KITLG: variants seen among roughly 807,000 people sequenced by gnomAD.
The protein encoded by KITLG is KIT ligand.
Under a neutral mutation model 34.1 loss-of-function variants are expected in KITLG, and 13 were observed. The ratio of observed to expected loss-of-function variants is 0.38; its 90% CI spans 0.25 to 0.61. The LOEUF (loss-of-function observed/expected upper bound fraction) is 0.61, where lower values mean the gene tolerates loss of function less well. Ranked by LOEUF, KITLG falls within the 20% of genes least tolerant of loss-of-function variation. KITLG has a pLI of 0.60. For missense variants in KITLG, 292 were observed against 318.9 expected (o/e 0.92, Z 0.64); for synonymous variants, 110 against 104.0 (o/e 1.06, Z -0.35).
rs1868614623 is a variant in KITLG at position 88,495,698 on chromosome 12, C to T, written c.*1521G>A. The T allele has an allele frequency of 6.6e-6, 1 of 152,396 alleles. No individual in the cohort carries two copies. Among genetic ancestry groups the T allele is most frequent in the African/African-American group, 2.4e-5 (1 of 41,424 alleles). The allele number at this position is 152,396 out of a possible 1,614,324, so 9.4% of individuals were successfully genotyped here. ...AAAGGAAAGCTAGCAGTTAGTTTTT[C>T]ATGCCCTTTTGTGTCACTACATTGA... is the stretch of plus-strand genomic sequence containing the variant. On this transcript the variant is annotated 3_prime_UTR_variant, in exon 10 of 10. Transcript: ENST00000644744.
At chr12:88,509,896 G>A (rs1869209945) in intron 6 of KITLG, among the ~76,000 whole-genome samples, 1 of 152,096 alleles carries the variant, frequency 6.6e-6, no homozygotes, top group African/African-American at 2.4e-5. Flanking sequence ...GATTTGAATT[G>A]CATGCCTCAA....
chr12:88,548,839 A>G (rs1566030760), intron 1 of KITLG, among the ~76,000 whole-genome samples: 1 of 152,200 alleles, frequency 6.6e-6, no homozygotes, highest in Non-Finnish European at 1.5e-5. Context: ...CCTTGTTGAA[A>G]GAAGACTTAT....
chr12:88,578,386 G>A (rs1300393132), intron 1 of KITLG, among the ~76,000 whole-genome samples: 1 of 152,134 alleles, frequency 6.6e-6, no homozygotes, highest in African/African-American at 2.4e-5. Flanking sequence ...ACTTTAACTT[G>A]TGTGATGTGT....
chr12:88,508,726 G>A (rs1869162560), intron 6 of KITLG, among the ~76,000 whole-genome samples: 1 of 152,068 alleles, frequency 6.6e-6, no homozygotes, highest in African/African-American at 2.4e-5. Context: ...ACATCCTATA[G>A]CCCCATGGGA....
chr12:88,518,142 C>T (rs536385041), intron 4 of KITLG, among the ~76,000 whole-genome samples: 14 of 152,228 alleles, frequency 9.2e-5, no homozygotes, highest in African/African-American at 2.9e-4. Flanking sequence ...AAAGAAGTTA[C>T]GCTCACAGAA....
intron 8 of KITLG, among the ~76,000 whole-genome samples, chr12:88,505,703 G>T (rs1289638124): frequency 1.3e-5 from 2 of 152,110 alleles, no homozygotes; most frequent in Non-Finnish European, 2.9e-5. Flanking sequence ...GTTGAGAATA[G>T]TTAAGGGCTC....
chr12:88,540,498 T>C (rs756463130), intron 2 of KITLG, among the ~76,000 whole-genome samples: 24 of 152,102 alleles, frequency 1.6e-4, no homozygotes, highest in Non-Finnish European at 3.1e-4. Context: ...ATAACTATTG[T>C]TCTAAAAAAC....
chr12:88,556,566 GA>G (rs1167499564), intron 1 of KITLG, among the ~76,000 whole-genome samples: 1 of 152,210 alleles, frequency 6.6e-6, no homozygotes, highest in Non-Finnish European at 1.5e-5. Context: ...CTAATGAAAA[GA>G]GGGTAGGGTC....
chr12:88,529,728 C>T (rs929067290), intron 3 of KITLG, among the ~76,000 whole-genome samples: 2 of 152,150 alleles, frequency 1.3e-5, no homozygotes, highest in African/African-American at 4.8e-5. Flanking sequence ...TCTGACCACT[C>T]GCAAATAATC....
At chr12:88,509,840 T>C (rs1473943398) in intron 6 of KITLG, among the ~76,000 whole-genome samples, 1 of 152,210 alleles carries the variant, frequency 6.6e-6, no homozygotes, top group African/African-American at 2.4e-5. Flanking sequence ...CTCCAGGGAA[T>C]GACTTTCAAT....
At chr12:88,557,026 A>G (rs917830005) in intron 1 of KITLG, among the ~76,000 whole-genome samples, 7 of 152,218 alleles carry the variant, frequency 4.6e-5, no homozygotes, top group African/African-American at 1.7e-4. Context: ...TTTCAAGGGT[A>G]TATTACTACA....
chr12:88,509,772 C>T (rs574678461), intron 6 of KITLG, among the ~76,000 whole-genome samples: 73 of 152,284 alleles, frequency 4.8e-4, no homozygotes, highest in Admixed American at 1.5e-3. Flanking sequence ...ATCAGGGATA[C>T]TACTGTCCCT....
At chr12:88,570,805 A>G (rs75451416) in intron 1 of KITLG, among the ~76,000 whole-genome samples, 2,069 of 152,334 alleles carry the variant, frequency 0.014, 60 homozygotes, top group African/African-American at 0.047. Context: ...ATTTTGCTAC[A>G]ATCGAATGAG....
At position 88,580,245 on chromosome 12, in the gene KITLG, C is replaced by T. The variant is rs1288894156; in HGVS notation, c.15+19G>A. 6.2e-7 allele frequency: 1 copy of T among 1,605,340 alleles called. No homozygotes were observed. The highest frequency in any genetic ancestry group is 2.2e-5 in the East Asian group (1 of 44,620). ...TTTTTCCTGGAGAGCCTGGGAGCTC[C>T]CGGGCGCGCCCTACTCACTTGTGTC... is the stretch of plus-strand genomic sequence containing the variant. On this transcript the variant is annotated intron_variant, in intron 1 of 9. Coordinates refer to ENST00000644744, the MANE Select transcript of KITLG (RefSeq NM_000899.5).
chr12:88,505,789 A>G (rs550310970), intron 8 of KITLG, among the ~76,000 whole-genome samples: 1 of 152,328 alleles, frequency 6.6e-6, no homozygotes, highest in African/African-American at 2.4e-5. Context: ...ATAAGAAGTC[A>G]CACTATGAAC....
At chr12:88,540,122 A>G (rs1370433550) in intron 2 of KITLG, among the ~76,000 whole-genome samples, 2 of 152,136 alleles carry the variant, frequency 1.3e-5, no homozygotes, top group Non-Finnish European at 2.9e-5. Flanking sequence ...ATTCCAATTA[A>G]GTAACTAACT....
At chr12:88,557,569 T>C (rs747454786) in intron 1 of KITLG, among the ~76,000 whole-genome samples, 1 of 152,108 alleles carries the variant, frequency 6.6e-6, no homozygotes, top group African/African-American at 2.4e-5. Flanking sequence ...TCTAGAAAAC[T>C]GATGGGTACT....
intron 1 of KITLG, among the ~76,000 whole-genome samples, chr12:88,579,913 T>C (rs1871958136): frequency 6.6e-6 from 1 of 152,226 alleles, no homozygotes; most frequent in African/African-American, 2.4e-5. Flanking sequence ...GAAAACCGTC[T>C]CCTATGCAAA....
rs972021352 is a variant in KITLG, at chr12:88,509,202, A to G, written c.605-2065T>C. On this transcript the variant is annotated intron_variant, in intron 6 of 9. Transcript: ENST00000644744. ...CTAACAAGCTAGGAAGATGCTATGG[A>G]GAACTCCATTATCTACGTTGGGTCA... Among the ~76,000 whole-genome samples the G allele has an allele frequency of 3.3e-5, 5 of 152,322 alleles. No individual in the cohort carries two copies. The East Asian group carries it at 9.7e-4, about 29-fold the overall frequency.
Sources: gnomAD v4.1 joint callset for allele counts (sites outside exome capture counted in the v4.1 genomes callset) on GRCh38, gnomAD v4.1.1 for gene constraint, MANE v1.5 for transcripts, NCBI Gene and HGNC (gene_info 2026-07-23, HGNC 2026-07-21) for gene names.